Variants in SERINC5 observed in about 807,000 individuals in gnomAD.
The protein encoded by SERINC5 is serine incorporator 5, also known as chromosome 5 open reading frame 12.
In SERINC5, 41 loss-of-function variants were observed where a neutral mutation model predicts 63.1. That is an observed-to-expected ratio of 0.65 (90% CI 0.51 to 0.84). The LOEUF is 0.84. Among genes scored for constraint, SERINC5 ranks in the 40% least tolerant of loss-of-function variants. The pLI is 0.00. For synonymous variants in SERINC5, 222 were observed against 215.2 expected, an observed-to-expected ratio of 1.03 and a Z score of -0.28; for missense variants, 523 against 573.0, an observed-to-expected ratio of 0.91 and a Z score of 0.89.
chr5:80,187,180 AG>A (rs1292164024), intron 2 of SERINC5, among the ~76,000 whole-genome samples: 2 of 152,170 alleles, frequency 1.3e-5, no homozygotes, highest in East Asian at 3.8e-4. Flanking sequence ...AAAAGAAAAA[AG>A]AAAATGCAAT....
chr5:80,193,344 C>T (rs891583069), intron 2 of SERINC5, among the ~76,000 whole-genome samples: 1 of 152,206 alleles, frequency 6.6e-6, no homozygotes, highest in African/African-American at 2.4e-5. Context: ...TGATGGCTGA[C>T]AATGCTCATT....
chr5:80,111,341 G>A (rs575618463), downstream of SERINC5, among the ~76,000 whole-genome samples: 5 of 152,226 alleles, frequency 3.3e-5, no homozygotes, highest in African/African-American at 1.2e-4. Flanking sequence ...GAGAGGGGAG[G>A]GGGAGCCTAG....
chr5:80,176,557 G>A (rs1308231204), intron 4 of SERINC5, among the ~76,000 whole-genome samples: 1 of 152,024 alleles, frequency 6.6e-6, no homozygotes, highest in African/African-American at 2.4e-5. Context: ...TCAGCCTCCT[G>A]AGTAGCTGGG....
chr5:80,167,973 C>T (rs1265590711), intron 6 of SERINC5, among the ~76,000 whole-genome samples: 4 of 152,148 alleles, frequency 2.6e-5, no homozygotes, highest in Non-Finnish European at 4.4e-5. Context: ...TGCTCTTTGG[C>T]AAGGGAATAA....
intron 1 of SERINC5, among the ~76,000 whole-genome samples, chr5:80,227,360 C>G (rs1037843414): frequency 6.6e-6 from 1 of 152,082 alleles, no homozygotes; most frequent in Non-Finnish European, 1.5e-5. Context: ...CTCCTAAGGT[C>G]GAGATAGGAA....
chr5:80,221,023 G>A (rs1168069177), intron 1 of SERINC5, among the ~76,000 whole-genome samples: 1 of 152,058 alleles, frequency 6.6e-6, no homozygotes, highest in East Asian at 1.9e-4. Context: ...GCCCTGAGCA[G>A]AACAAAAGCA....
chr5:80,200,970 G>A (rs148364728), intron 2 of SERINC5, among the ~76,000 whole-genome samples: 18,093 of 151,768 alleles, frequency 0.12, 1,879 homozygotes, highest in East Asian at 0.49. Flanking sequence ...ATGGTGGCAC[G>A]CGCCTGTAAT....
Position 80,173,575 on chromosome 5 carries a change from G to A in SERINC5, c.551+1379C>T, listed in dbSNP as rs1362205488. 4.6e-5 allele frequency among the ~76,000 whole-genome samples: 7 copies of A among 151,954 alleles called. No individual in the cohort carries two copies. In the South Asian group the frequency reaches 8.3e-4, roughly 18 times the overall value. On this transcript the variant is annotated intron_variant, in intron 5 of 11. Transcript: ENST00000507668. The stretch of plus-strand genomic sequence containing the variant: ...TGTGCCACTGCACTCCAGCCTGGGC[G>A]ACAGAACGAGACTCTGTCTCAAAAG...
chr5:80,138,347 G>A (rs993848830), downstream of SERINC5, among the ~76,000 whole-genome samples: 1 of 152,132 alleles, frequency 6.6e-6, no homozygotes, highest in African/African-American at 2.4e-5. Context: ...TGTAATCCCA[G>A]CACTTTGGGA....
rs565324490 is a variant in SERINC5, at chr5:80,231,196, T to C, written c.27+24700A>G. Among the ~76,000 whole-genome samples, 7 of 152,312 alleles carry C rather than the reference T, an allele frequency of 4.6e-5. No homozygotes were observed. In the East Asian group the frequency reaches 7.7e-4, roughly 17 times the overall value. On this transcript the variant is annotated intron_variant, in intron 1 of 11. Transcript: ENST00000507668. ...AGTACTTTTAAAAAACAGTTAACTA[T>C]AGAAAACCCAATCAAAATTCATTTT... is the stretch of plus-strand genomic sequence containing the variant.
intron 1 of SERINC5, among the ~76,000 whole-genome samples, chr5:80,233,412 A>G (rs1008040121): frequency 1.3e-5 from 2 of 152,138 alleles, no homozygotes; most frequent in Non-Finnish European, 1.5e-5. Flanking sequence ...GGGCAACAAG[A>G]GCAAAACTCC....
chr5:80,230,480 A>G (rs1042417937), intron 1 of SERINC5, among the ~76,000 whole-genome samples: 1 of 138,228 alleles, frequency 7.2e-6, no homozygotes, highest in African/African-American at 2.7e-5. Context: ...TTGCTCTTCA[A>G]ATTTGTTTGC....
At chr5:80,189,758 C>A (rs1354628472) in intron 2 of SERINC5, among the ~76,000 whole-genome samples, 1 of 152,136 alleles carries the variant, frequency 6.6e-6, no homozygotes, top group Non-Finnish European at 1.5e-5. Context: ...GTCCCTCAGG[C>A]TGGAGTGCAG....
At position 80,147,259 on chromosome 5, in the gene SERINC5, C is replaced by G; in HGVS notation, c.1079G>C (p.Ser360Thr). The stretch of plus-strand genomic sequence containing the variant: ...GCTCTGCTTACCCTCTCCACCAGGA[C>G]TGAAGCAAAAACAACAGCGAGCTAT... ...LEIARCCFCF[S>T]PGGEDTEEQQ... The change falls in exon 10 of 12, where the codon AGT (serine) becomes ACT (threonine). Residue 360 changes from serine to threonine, a missense_variant. Transcript: ENST00000507668. 6.2e-7 allele frequency: 1 copy of G among 1,604,856 alleles called. No homozygotes were observed. Among genetic ancestry groups the G allele is most frequent in the Non-Finnish European group, 8.5e-7 (1 of 1,176,154 alleles).
chr5:80,211,579 C>T (rs754911107), intron 1 of SERINC5, among the ~76,000 whole-genome samples: 21 of 152,236 alleles, frequency 1.4e-4, no homozygotes, highest in Non-Finnish European at 2.6e-4. Flanking sequence ...CATCACCTGT[C>T]TATAAACTGC....
intron 1 of SERINC5, among the ~76,000 whole-genome samples, chr5:80,238,528 T>G (rs1329371176): frequency 6.6e-6 from 1 of 152,158 alleles, no homozygotes; most frequent in African/African-American, 2.4e-5. Context: ...CGCATGCCTG[T>G]AATCCCAGCA....
At chr5:80,145,647 C>T (rs915996736) in intron 11 of SERINC5, among the ~76,000 whole-genome samples, 1 of 152,152 alleles carries the variant, frequency 6.6e-6, no homozygotes, top group African/African-American at 2.4e-5. Flanking sequence ...GTTTTCCAGA[C>T]TGTCCATATA....
At chr5:80,193,807 G>C (rs1179573794) in intron 2 of SERINC5, among the ~76,000 whole-genome samples, 3 of 152,210 alleles carry the variant, frequency 2.0e-5, no homozygotes, top group Non-Finnish European at 4.4e-5. Context: ...TGAGGCATAG[G>C]AGGGTACAGG....
chr5:80,173,670 C>T (rs1195701938), intron 5 of SERINC5, among the ~76,000 whole-genome samples: 1 of 152,110 alleles, frequency 6.6e-6, no homozygotes, highest in Non-Finnish European at 1.5e-5. Context: ...TCTCCCCTCC[C>T]CCACCCACCT....
Sources: gnomAD v4.1 joint callset for allele counts (sites outside exome capture counted in the v4.1 genomes callset) on GRCh38, gnomAD v4.1.1 for gene constraint, MANE v1.5 for transcripts, NCBI Gene and HGNC (gene_info 2026-07-23, HGNC 2026-07-21) for gene names.